The following PPP4R4 variants were observed in gnomAD, a reference collection of about 807,000 sequenced individuals.
PPP4R4 encodes the protein protein phosphatase 4 regulatory subunit 4.
In PPP4R4, 70 loss-of-function variants were observed where a neutral mutation model predicts 121.8. The ratio of observed to expected loss-of-function variants is 0.57; its 90% CI spans 0.47 to 0.70. The LOEUF is 0.70. Ranked by LOEUF, PPP4R4 falls within the 30% of genes least tolerant of loss-of-function variation. PPP4R4 has a pLI of 0.00. For synonymous variants in PPP4R4, 348 were observed against 355.7 expected, an observed-to-expected ratio of 0.98 and a Z score of 0.24; for missense variants, 875 against 1,033.6, an observed-to-expected ratio of 0.85 and a Z score of 2.10.
chr14:94,273,250 A>T (rs7146887), intron 23 of PPP4R4, among the ~76,000 whole-genome samples: 35,901 of 152,110 alleles, frequency 0.24, 5,098 homozygotes, highest in East Asian at 0.59. Flanking sequence ...TAGGTAGATG[A>T]ATAAACAAAC....
chr14:94,236,178 T>C (rs1892337732), intron 7 of PPP4R4, among the ~76,000 whole-genome samples: 1 of 152,212 alleles, frequency 6.6e-6, no homozygotes, highest in Non-Finnish European at 1.5e-5. Flanking sequence ...AAGAGTTATC[T>C]GTTATGATTA....
At chr14:94,187,756 A>C (rs1889367852) in intron 2 of PPP4R4, among the ~76,000 whole-genome samples, 1 of 151,636 alleles carries the variant, frequency 6.6e-6, no homozygotes, top group Admixed American at 6.6e-5. Flanking sequence ...TGATCTTGAT[A>C]GTTTTGAAGA....
intron 2 of PPP4R4, among the ~76,000 whole-genome samples, chr14:94,198,028 G>A (rs191374949): frequency 6.6e-6 from 1 of 152,154 alleles, no homozygotes; most frequent in African/African-American, 2.4e-5. Flanking sequence ...GTGAACATAT[G>A]CTGTTATTTC....
At chr14:94,234,249 A>C (rs937210637) in intron 6 of PPP4R4, among the ~76,000 whole-genome samples, 1 of 152,194 alleles carries the variant, frequency 6.6e-6, no homozygotes, top group Non-Finnish European at 1.5e-5. Flanking sequence ...AGTAAAGCTG[A>C]AGAGTATTTT....
chr14:94,260,436 A>C (rs1205369066), intron 19 of PPP4R4, among the ~76,000 whole-genome samples: 5 of 152,016 alleles, frequency 3.3e-5, no homozygotes, highest in Non-Finnish European at 7.4e-5. Context: ...CCCAAAAAAC[A>C]AAACAAAACA....
chr14:94,180,938 C>T (rs140462906), intron 2 of PPP4R4, among the ~76,000 whole-genome samples: 20 of 152,238 alleles, frequency 1.3e-4, no homozygotes, highest in African/African-American at 4.3e-4. Context: ...CATGTGAGAA[C>T]TCTGGCGTAC....
chr14:94,220,333 G>C (rs1175902820), intron 3 of PPP4R4, among the ~76,000 whole-genome samples: 3 of 152,162 alleles, frequency 2.0e-5, no homozygotes, highest in African/African-American at 7.2e-5. Flanking sequence ...TTTTTCCTAA[G>C]ATCAGGAAAA....
chr14:94,256,317 G>T, intron 16 of PPP4R4, 143 bp from the exon 17 acceptor site: 1 of 611,450 alleles, frequency 1.6e-6, no homozygotes. Flanking sequence ...AATGATGAAT[G>T]TTTGACACAT....
intron 3 of PPP4R4, among the ~76,000 whole-genome samples, chr14:94,225,135 TA>T (rs1223808768): frequency 6.6e-6 from 1 of 152,052 alleles, no homozygotes; most frequent in Non-Finnish European, 1.5e-5. Context: ...GAAGGAATAA[TA>T]ACAGGAAAGG....
chr14:94,235,455 A>G (rs1199243433), intron 7 of PPP4R4, among the ~76,000 whole-genome samples: 2 of 125,556 alleles, frequency 1.6e-5, no homozygotes, highest in East Asian at 2.5e-4. Flanking sequence ...GCTGGAGTGC[A>G]GTGGCGCGAT....
rs749115459 is a variant in PPP4R4, at chr14:94,240,840, C to CT, written c.976+53dup. ...TTTTGAGACTGTAGATAATTTTTCC[C>CT]TTTTTTTTCTACCTCAGTCATTAAA... is the stretch of plus-strand genomic sequence containing the variant. On this transcript the variant is annotated intron_variant, in intron 9 of 24. Coordinates refer to ENST00000304338, the MANE Select transcript of PPP4R4 (RefSeq NM_058237.2). The CT allele has an allele frequency of 1.8e-4, 265 of 1,437,278 alleles. No homozygotes were observed. The Middle Eastern group carries it at 2.4e-3, about 13-fold the overall frequency. 89.0% of individuals were successfully genotyped at this position (1,437,278 alleles called of 1,614,324 possible). A position where few individuals can be genotyped will look rare whatever the true frequency, so the allele number is the denominator to read the frequency against.
At chr14:94,227,612 A>G in intron 3 of PPP4R4, 1 of 1,224,306 alleles carries the variant, frequency 8.2e-7, no homozygotes, top group Non-Finnish European at 1.0e-6. Context: ...GTCAAGACTA[A>G]GTAATACAGT....
intron 3 of PPP4R4, among the ~76,000 whole-genome samples, chr14:94,220,019 C>G (rs28459978): frequency 0.13 from 20,420 of 152,028 alleles, 1,852 homozygotes; most frequent in African/African-American, 0.25. Flanking sequence ...GTCAGGAGTT[C>G]GAGGCCAGCC....
chr14:94,234,714 C>A, intron 7 of PPP4R4, 45 bp downstream of exon 7: 1 of 1,298,238 alleles, frequency 7.7e-7, no homozygotes, highest in Non-Finnish European at 1.1e-6. Context: ...TGAAAACATG[C>A]CATTGAAAGG....
intron 7 of PPP4R4, among the ~76,000 whole-genome samples, chr14:94,237,188 A>G (rs138373787): frequency 3.3e-5 from 5 of 152,242 alleles, no homozygotes; most frequent in Admixed American, 1.3e-4. Flanking sequence ...AGATAGAAAT[A>G]TATTATTTAG....
intron 3 of PPP4R4, among the ~76,000 whole-genome samples, chr14:94,219,824 T>A (rs540616481): frequency 1.3e-5 from 2 of 152,262 alleles, no homozygotes; most frequent in African/African-American, 4.8e-5. Context: ...TAGCCAGGTG[T>A]GATGACACAC....
chr14:94,275,567 T>C (rs879111049), intron 24 of PPP4R4, 46 bp downstream of exon 24: 16 of 1,595,648 alleles, frequency 1.0e-5, no homozygotes, highest in South Asian at 1.0e-4. Context: ...TCCTCCTCTT[T>C]TGCTTAACAC....
chr14:94,276,480 G>C lies in PPP4R4; in HGVS notation c.2597+959G>C, dbSNP rs541588217. Reference sequence around the variant, plus strand: ...GGCATCTGCTTCTGGGGAAGCTTCAGGAGGCTTATTATCCTGGTAGATGGT... The same window carrying C: ...GGCATCTGCTTCTGGGGAAGCTTCACGAGGCTTATTATCCTGGTAGATGGT... On this transcript the variant is annotated intron_variant, in intron 24 of 24. Transcript: ENST00000304338. Among the ~76,000 whole-genome samples, 5 of 152,346 alleles carry C rather than the reference G, an allele frequency of 3.3e-5. No individual in the cohort carries two copies. In the South Asian group the frequency reaches 1.0e-3, roughly 32 times the overall value.
intron 2 of PPP4R4, among the ~76,000 whole-genome samples, chr14:94,205,834 T>C (rs968293361): frequency 7.9e-5 from 12 of 151,998 alleles, no homozygotes; most frequent in Admixed American, 1.3e-4. Flanking sequence ...TTTGATTCCA[T>C]TGTGGTTAGA....
Sources: gnomAD v4.1 joint callset for allele counts (sites outside exome capture counted in the v4.1 genomes callset) on GRCh38, gnomAD v4.1.1 for gene constraint, MANE v1.5 for transcripts, NCBI Gene and HGNC (gene_info 2026-07-23, HGNC 2026-07-21) for gene names.